Variants in EHBP1 observed in about 807,000 individuals in gnomAD.
The protein encoded by EHBP1 is EH domain binding protein 1, also known as EH domain-binding protein 1.
EHBP1 carries 55 observed loss-of-function variants against 144.0 expected under a neutral mutation model. That is an observed-to-expected ratio of 0.38 (90% CI 0.31 to 0.48). EHBP1 has a LOEUF of 0.48. Ranked by LOEUF, EHBP1 falls within the 20% of genes least tolerant of loss-of-function variation. The probability of loss-of-function intolerance (pLI) is 0.98; values close to 1 mark genes in which losing one functional copy is unlikely to be tolerated. For missense variants in EHBP1, 1,200 were observed against 1,364.2 expected (o/e 0.88, Z 1.90); for synonymous variants, 469 against 472.7 (o/e 0.99, Z 0.10).
chr2:62,687,433 A>T (rs943682708), intron 1 of EHBP1, among the ~76,000 whole-genome samples: 3 of 152,232 alleles, frequency 2.0e-5, no homozygotes, highest in Admixed American at 2.0e-4. Context: ...ATGTAGGAAA[A>T]TCCCAGTTGT....
At chr2:62,677,948 G>A (rs1380583898) in intron 1 of EHBP1, among the ~76,000 whole-genome samples, 1 of 152,188 alleles carries the variant, frequency 6.6e-6, no homozygotes, top group Non-Finnish European at 1.5e-5. Flanking sequence ...AAAGTTGGGA[G>A]TACAGATAAC....
At chr2:62,999,158 C>T (rs2059753239) in intron 19 of EHBP1, among the ~76,000 whole-genome samples, 1 of 152,158 alleles carries the variant, frequency 6.6e-6, no homozygotes, top group Non-Finnish European at 1.5e-5. Context: ...TTAAGATGAT[C>T]TCATTAGGAA....
intron 1 of EHBP1, among the ~76,000 whole-genome samples, chr2:62,693,412 T>C (rs2033976478): frequency 6.6e-6 from 1 of 152,148 alleles, no homozygotes; most frequent in Admixed American, 6.5e-5. Flanking sequence ...TAATTCTTCA[T>C]ATATTCTAGA....
At chr2:62,710,934 T>C (rs564720849) in intron 2 of EHBP1, among the ~76,000 whole-genome samples, 2 of 152,312 alleles carry the variant, frequency 1.3e-5, no homozygotes, top group East Asian at 3.9e-4. Context: ...CATGGAGTGA[T>C]ATAGAGATAC....
chr2:62,969,993 C>T (rs568834198), intron 14 of EHBP1, among the ~76,000 whole-genome samples: 1 of 152,164 alleles, frequency 6.6e-6, no homozygotes, highest in African/African-American at 2.4e-5. Flanking sequence ...CCTAAACCTT[C>T]TAAAATCTTG....
intron 10 of EHBP1, chr2:62,940,041 G>A: frequency 2.5e-6 from 1 of 404,990 alleles, no homozygotes; most frequent in Non-Finnish European, 4.9e-6. Flanking sequence ...AGTGTGTGCT[G>A]ACTTGATCAG....
intron 19 of EHBP1, among the ~76,000 whole-genome samples, chr2:63,034,546 T>C (rs2061383841): frequency 6.6e-6 from 1 of 152,066 alleles, no homozygotes; most frequent in Non-Finnish European, 1.5e-5. Flanking sequence ...TGTAAAGTGC[T>C]TTATTCTGAG....
At chr2:62,845,400 C>T (rs1172003698) in intron 7 of EHBP1, among the ~76,000 whole-genome samples, 5 of 152,040 alleles carry the variant, frequency 3.3e-5, no homozygotes, top group African/African-American at 9.7e-5. Flanking sequence ...TATTTGGCTA[C>T]CTTCAGGGAA....
chr2:62,831,276 C>A, intron 7 of EHBP1, 118 bp downstream of exon 7: 1 of 959,080 alleles, frequency 1.0e-6, no homozygotes, highest in Non-Finnish European at 1.5e-6. Context: ...TTTCTTTAAG[C>A]CTTTCTACAA....
At chr2:62,678,144 T>C (rs537392419) in intron 1 of EHBP1, among the ~76,000 whole-genome samples, 3 of 152,336 alleles carry the variant, frequency 2.0e-5, no homozygotes, top group Admixed American at 6.5e-5. Flanking sequence ...CAGCATTTGT[T>C]ATTGCCTGAC....
chr2:62,918,533 A>G lies in EHBP1; in HGVS notation c.1186-24185A>G, dbSNP rs2054822055. On this transcript the variant is annotated intron_variant, in intron 10 of 22. Transcript: ENST00000431489. Reference sequence around the variant, plus strand: ...ATAAATATAACCTGCAAGCATCTCTAGTTTGCTGTGCCCTACATCTTTTCA... The same window carrying G: ...ATAAATATAACCTGCAAGCATCTCTGGTTTGCTGTGCCCTACATCTTTTCA... 2.0e-5 allele frequency among the ~76,000 whole-genome samples: 3 copies of G among 152,148 alleles called. No homozygotes were observed. The South Asian group carries it at 6.2e-4, about 32-fold the overall frequency.
At chr2:62,912,596 G>A (rs983526423) in intron 10 of EHBP1, among the ~76,000 whole-genome samples, 1 of 152,002 alleles carries the variant, frequency 6.6e-6, no homozygotes, top group South Asian at 2.1e-4. Flanking sequence ...ACCAATACTT[G>A]TATGCCCATC....
intron 5 of EHBP1, among the ~76,000 whole-genome samples, chr2:62,816,774 C>G (rs1207452983): frequency 1.3e-5 from 2 of 152,162 alleles, no homozygotes; most frequent in Non-Finnish European, 2.9e-5. Context: ...GCCCACAGTG[C>G]TTTTGGAATA....
At chr2:62,976,440 T>A (rs2058717532) in intron 14 of EHBP1, among the ~76,000 whole-genome samples, 1 of 152,182 alleles carries the variant, frequency 6.6e-6, no homozygotes, top group Admixed American at 6.5e-5. Context: ...TTAATGTGGT[T>A]TAAAATACAT....
At chr2:62,836,087 T>A (rs2047220506) in intron 7 of EHBP1, among the ~76,000 whole-genome samples, 1 of 152,164 alleles carries the variant, frequency 6.6e-6, no homozygotes, top group South Asian at 2.1e-4. Context: ...GACTTAAATG[T>A]CCCTGTCTGA....
intron 2 of EHBP1, among the ~76,000 whole-genome samples, chr2:62,745,976 A>G (rs147049199): frequency 1.6e-3 from 250 of 152,248 alleles, no homozygotes; most frequent in Non-Finnish European, 2.9e-3. Context: ...TAGCATTTCT[A>G]TAAAAGTACT....
intron 1 of EHBP1, among the ~76,000 whole-genome samples, chr2:62,695,629 C>T (rs765901640): frequency 6.6e-6 from 1 of 152,028 alleles, no homozygotes; most frequent in Non-Finnish European, 1.5e-5. Context: ...TTTTAGATAG[C>T]GAGAGAACAT....
intron 7 of EHBP1, among the ~76,000 whole-genome samples, chr2:62,835,132 G>C (rs918546827): frequency 6.6e-6 from 1 of 151,756 alleles, no homozygotes; most frequent in East Asian, 1.9e-4. Flanking sequence ...TTATTTTCTT[G>C]GCATATTTGT....
chr2:62,738,211 A>G (rs1226047718), intron 2 of EHBP1, among the ~76,000 whole-genome samples: 2 of 152,054 alleles, frequency 1.3e-5, no homozygotes, highest in African/African-American at 2.4e-5. Context: ...TAGCCCTCCT[A>G]TCATATCCTC....
Sources: gnomAD v4.1 joint callset for allele counts (sites outside exome capture counted in the v4.1 genomes callset) on GRCh38, gnomAD v4.1.1 for gene constraint, MANE v1.5 for transcripts, NCBI Gene and HGNC (gene_info 2026-07-23, HGNC 2026-07-21) for gene names.